Variants in ADGRL4 observed in about 807,000 individuals in gnomAD.
The protein encoded by ADGRL4 is adhesion G protein-coupled receptor L4, also known as EGF, latrophilin and seven transmembrane domain containing 1.
ADGRL4 carries 90 observed loss-of-function variants against 74.8 expected under a neutral mutation model. The ratio of observed to expected loss-of-function variants is 1.20; its 90% CI spans 1.02 to 1.43. The LOEUF is 1.43. ADGRL4 is among the 40% of genes most tolerant of loss of function. The probability of loss-of-function intolerance (pLI) is 0.00; values close to 1 mark genes in which losing one functional copy is unlikely to be tolerated. For synonymous variants in ADGRL4, 311 were observed against 279.2 expected (o/e 1.11, Z -1.14); for missense variants, 881 against 814.3 (o/e 1.08, Z -1.00).
intron 2 of ADGRL4, among the ~76,000 whole-genome samples, chr1:78,991,339 G>A (rs1650604228): frequency 6.6e-6 from 1 of 151,938 alleles, no homozygotes; most frequent in African/African-American, 2.4e-5. Flanking sequence ...AACCTCATGG[G>A]AAGTACATAT....
At chr1:78,923,771 A>G (rs1649050360) in intron 8 of ADGRL4, among the ~76,000 whole-genome samples, 1 of 151,940 alleles carries the variant, frequency 6.6e-6, no homozygotes, top group Admixed American at 6.6e-5. Flanking sequence ...AAGTAAAAAT[A>G]AAAAATATTA....
At chr1:78,898,958 A>G (rs554978864) in intron 12 of ADGRL4, among the ~76,000 whole-genome samples, 3 of 152,210 alleles carry the variant, frequency 2.0e-5, no homozygotes, top group African/African-American at 7.2e-5. Context: ...AGCTACAGGT[A>G]CATTCAACCC....
chr1:78,902,236 C>T (rs1009526742), intron 12 of ADGRL4, among the ~76,000 whole-genome samples: 2 of 152,078 alleles, frequency 1.3e-5, no homozygotes, highest in Non-Finnish European at 2.9e-5. Context: ...TATTGAAACT[C>T]AAGTGAATGA....
At position 78,939,262 on chromosome 1, in the gene ADGRL4, TA is replaced by T; in HGVS notation, c.326-5del. On this transcript the variant is annotated splice_polypyrimidine_tract_variant and splice_region_variant and intron_variant, in intron 3 of 14. Coordinates refer to ENST00000370742, the MANE Select transcript of ADGRL4 (RefSeq NM_022159.4). Reference sequence around the variant, plus strand: ...TGGCAGTTTGCATTCACATTTTCTGTAAAAAAAGAAAATAGATTATACAGTC... The same window carrying T: ...TGGCAGTTTGCATTCACATTTTCTGTAAAAAAGAAAATAGATTATACAGTC... 1.9e-6 allele frequency: 3 copies of T among 1,560,290 alleles called. No individual in the cohort carries two copies. Among genetic ancestry groups the T allele is most frequent in the Non-Finnish European group, 1.7e-6 (2 of 1,155,272 alleles).
chr1:78,953,505 G>A (rs1048771671), intron 2 of ADGRL4, among the ~76,000 whole-genome samples: 11 of 152,092 alleles, frequency 7.2e-5, no homozygotes, highest in Non-Finnish European at 1.5e-4. Flanking sequence ...AGAGTAACAC[G>A]TTATGTCACT....
intron 2 of ADGRL4, among the ~76,000 whole-genome samples, chr1:78,958,975 C>A (rs1489389): frequency 2.6e-5 from 4 of 152,196 alleles, no homozygotes; most frequent in African/African-American, 9.7e-5. Flanking sequence ...ACCAGCAACA[C>A]GTTTATGACT....
intron 6 of ADGRL4, among the ~76,000 whole-genome samples, chr1:78,937,215 C>G (rs1649372916): frequency 6.6e-6 from 1 of 152,114 alleles, no homozygotes; most frequent in Non-Finnish European, 1.5e-5. Flanking sequence ...GAGACCGAGG[C>G]AAGTGGATGG....
intron 12 of ADGRL4, among the ~76,000 whole-genome samples, chr1:78,895,418 A>G (rs1648372757): frequency 6.6e-6 from 1 of 152,086 alleles, no homozygotes; most frequent in African/African-American, 2.4e-5. Context: ...ATAGTAAACA[A>G]ATAATCATAC....
rs1296563599 is a variant in ADGRL4, at chr1:78,921,762, A to G, written c.1108T>C (p.Cys370Arg). 6.3e-7 allele frequency: 1 copy of G among 1,591,220 alleles called. No individual in the cohort carries two copies. Among genetic ancestry groups the G allele is most frequent in the African/African-American group, 1.4e-5 (1 of 73,288 alleles). Residue 370 changes from cysteine to arginine, a missense_variant, in exon 9 of 15, where the codon TGT (cysteine) becomes CGT (arginine). Cys to Arg is a radical substitution (Grantham distance 180). Coordinates refer to ENST00000370742, the MANE Select transcript of ADGRL4 (RefSeq NM_022159.4). ...TCAGGTGAGTAATTCCAAAATGCACATAGACTCCTATACCTATCTGTGACC... is the reference window on the plus strand; with the variant it reads ...TCAGGTGAGTAATTCCAAAATGCACGTAGACTCCTATACCTATCTGTGACC... Reference protein sequence around the residue: ...RKVTDRYRSLCAFWNYSPDTM... With the variant: ...RKVTDRYRSLRAFWNYSPDTM...
At chr1:79,003,349 A>T (rs980776872) in intron 2 of ADGRL4, among the ~76,000 whole-genome samples, 1 of 152,030 alleles carries the variant, frequency 6.6e-6, no homozygotes, top group Non-Finnish European at 1.5e-5. Context: ...GACACTACAA[A>T]TCTCAGATAA....
At chr1:78,936,590 CAA>C (rs1253990009) in intron 6 of ADGRL4, among the ~76,000 whole-genome samples, 179 bp from the exon 7 acceptor site, 4 of 152,114 alleles carry the variant, frequency 2.6e-5, no homozygotes, top group South Asian at 2.1e-4. Flanking sequence ...AAATCTGACT[CAA>C]GTTTTAATTT....
chr1:78,932,732 T>C (rs1649270027), intron 7 of ADGRL4, among the ~76,000 whole-genome samples: 1 of 149,930 alleles, frequency 6.7e-6, no homozygotes, highest in African/African-American at 2.5e-5. Flanking sequence ...ATAAAAATGA[T>C]AAGGGGGATA....
chr1:79,001,161 AG>A, intron 2 of ADGRL4, among the ~76,000 whole-genome samples: 2 of 39,926 alleles, frequency 5.0e-5, no homozygotes, highest in African/African-American at 9.3e-5. Flanking sequence ...GACAGAAGGA[AG>A]GAAGGAAGGG....
At chr1:78,929,911 C>G (rs2100680270) in intron 7 of ADGRL4, among the ~76,000 whole-genome samples, 1 of 151,598 alleles carries the variant, frequency 6.6e-6, no homozygotes, top group East Asian at 1.9e-4. Context: ...AACTTCCAAA[C>G]AGTACCCAAA....
At chr1:79,005,338 T>C (rs1469146107) in intron 1 of ADGRL4, 119 bp from the exon 2 acceptor site, 11 of 871,494 alleles carry the variant, frequency 1.3e-5, no homozygotes, top group East Asian at 3.1e-5. Context: ...AAATGGATTA[T>C]AAATTTTTCC....
rs770556354 is a variant in ADGRL4 at position 78,926,841 on chromosome 1, A to C, written c.1083+45T>G. 8 of 1,391,758 alleles carry C rather than the reference A, an allele frequency of 5.7e-6. No individual in the cohort carries two copies. In the Admixed American group the frequency reaches 1.2e-4, roughly 21 times the overall value. The allele number at this position is 1,391,758 out of a possible 1,614,324, so 86.2% of individuals were successfully genotyped here. On this transcript the variant is annotated intron_variant, in intron 8 of 14. Coordinates refer to ENST00000370742, the MANE Select transcript of ADGRL4 (RefSeq NM_022159.4). ...ACACAACAAAGAGTCCAGTTCTCTG[A>C]CTGTATCACAATCATAGCCAATAAC...
intron 3 of ADGRL4, 113 bp downstream of exon 3, chr1:78,946,161 A>G: frequency 1.6e-6 from 1 of 642,838 alleles, no homozygotes. Flanking sequence ...AAAGTACTTA[A>G]CACGTAGGGT....
chr1:78,899,041 A>G (rs890665292), intron 12 of ADGRL4, among the ~76,000 whole-genome samples: 7 of 152,172 alleles, frequency 4.6e-5, no homozygotes, highest in Admixed American at 2.0e-4. Flanking sequence ...CTTTTTCTCA[A>G]TAATTGATGA....
At chr1:78,969,319 T>C (rs1185182819) in intron 2 of ADGRL4, among the ~76,000 whole-genome samples, 2 of 152,332 alleles carry the variant, frequency 1.3e-5, no homozygotes, top group African/African-American at 4.8e-5. Context: ...TGGAAGGGTA[T>C]GTTTCCTTTT....
Sources: gnomAD v4.1 joint callset for allele counts (sites outside exome capture counted in the v4.1 genomes callset) on GRCh38, gnomAD v4.1.1 for gene constraint, MANE v1.5 for transcripts, NCBI Gene and HGNC (gene_info 2026-07-23, HGNC 2026-07-21) for gene names.